CRYBG1: variants seen among roughly 807,000 people sequenced by gnomAD.
CRYBG1 encodes the protein crystallin beta-gamma domain containing 1.
CRYBG1 carries 139 observed loss-of-function variants against 189.2 expected under a neutral mutation model. The ratio of observed to expected loss-of-function variants is 0.73; its 90% CI spans 0.64 to 0.85. CRYBG1 has a LOEUF of 0.85. CRYBG1 is among the 40% of genes least tolerant of loss of function. The probability of loss-of-function intolerance (pLI) is 0.00; values close to 1 mark genes in which losing one functional copy is unlikely to be tolerated. For missense variants in CRYBG1, 2,611 were observed against 2,675.8 expected, an observed-to-expected ratio of 0.98 and a Z score of 0.53; for synonymous variants, 1,023 against 1,017.1, an observed-to-expected ratio of 1.01 and a Z score of -0.11.
chr6:106,482,784 T>A (rs999724977), intron 2 of CRYBG1, among the ~76,000 whole-genome samples: 19 of 151,288 alleles, frequency 1.3e-4, no homozygotes, highest in African/African-American at 4.6e-4. Flanking sequence ...CAAAAAATAA[T>A]AATCATAAAA....
chr6:106,553,296 T>A (rs555169376), intron 15 of CRYBG1, among the ~76,000 whole-genome samples, 159 bp from the exon 16 acceptor site: 1 of 152,320 alleles, frequency 6.6e-6, no homozygotes, highest in East Asian at 1.9e-4. Flanking sequence ...TTCTAATTGA[T>A]CATGAATGTA....
intron 2 of CRYBG1, among the ~76,000 whole-genome samples, chr6:106,472,311 G>A (rs1461125782): frequency 6.6e-6 from 1 of 152,166 alleles, no homozygotes; most frequent in Non-Finnish European, 1.5e-5. Context: ...AGAATTGGAT[G>A]TCTATAGATA....
chr6:106,449,250 G>A (rs756670275), intron 1 of CRYBG1: 2 of 152,200 alleles, frequency 1.3e-5, no homozygotes, highest in Non-Finnish European at 2.9e-5. Flanking sequence ...AGCACAGGTA[G>A]ATTGCTTTTA....
At chr6:106,484,498 T>C (rs1396919383) in intron 2 of CRYBG1, among the ~76,000 whole-genome samples, 2 of 152,126 alleles carry the variant, frequency 1.3e-5, no homozygotes, top group Non-Finnish European at 2.9e-5. Flanking sequence ...TTTTTTCTTT[T>C]TTGTAGAGAC....
At chr6:106,548,951 T>A (rs6930489) in intron 13 of CRYBG1, among the ~76,000 whole-genome samples, 2,560 of 140,048 alleles carry the variant, frequency 0.018, 63 homozygotes, top group African/African-American at 0.064. Context: ...TGTCCATGTG[T>A]TCTCATTGTT....
rs751340239 is a variant in CRYBG1, at chr6:106,440,265, TCTC to T, written c.174-11428_174-11426del. Among the ~76,000 whole-genome samples the T allele has an allele frequency of 6.5e-3, 710 of 108,720 alleles. 5 individuals are homozygous for T. Among genetic ancestry groups the T allele is most frequent in the African/African-American group, 0.022 (669 of 30,428 alleles). The allele number at this position is 108,720 out of a possible 152,430, so 71.3% of individuals were successfully genotyped here. ...CTTCCTCTCTCTCTCTCTCTCTCTC[TCTC>T]TTTTTTTTTCTTTTGAGACAGAGTC... On this transcript the variant is annotated intron_variant, in intron 1 of 21. Transcript: ENST00000633556.
intron 1 of CRYBG1, among the ~76,000 whole-genome samples, chr6:106,382,266 G>A (rs1425064570): frequency 1.7e-4 from 26 of 152,142 alleles, no homozygotes; most frequent in Non-Finnish European, 1.8e-4. Context: ...GTATCCATGA[G>A]GACTTTGTTG....
intron 2 of CRYBG1, among the ~76,000 whole-genome samples, chr6:106,465,557 G>T (rs1772099064): frequency 6.6e-6 from 1 of 152,162 alleles, no homozygotes; most frequent in African/African-American, 2.4e-5. Context: ...ATCTCTATCT[G>T]TTTTGACAGA....
chr6:106,476,695 A>G (rs1301846953), intron 2 of CRYBG1, among the ~76,000 whole-genome samples: 1 of 152,224 alleles, frequency 6.6e-6, no homozygotes, highest in Non-Finnish European at 1.5e-5. Context: ...TAGCTTATAG[A>G]TATAATTCAA....
At chr6:106,405,406 C>A (rs1466713182) in intron 1 of CRYBG1, among the ~76,000 whole-genome samples, 1 of 152,216 alleles carries the variant, frequency 6.6e-6, no homozygotes, top group Non-Finnish European at 1.5e-5. Flanking sequence ...AGATAAAACT[C>A]CCATCTCCCT....
At chr6:106,504,079 A>C (rs906880619) in intron 2 of CRYBG1, among the ~76,000 whole-genome samples, 3 of 150,694 alleles carry the variant, frequency 2.0e-5, no homozygotes, top group Non-Finnish European at 4.4e-5. Context: ...GTAGAGAGGT[A>C]TGTGTTACAT....
chr6:106,435,014 C>T (rs141776018), intron 1 of CRYBG1, among the ~76,000 whole-genome samples: 290 of 152,244 alleles, frequency 1.9e-3, no homozygotes, highest in African/African-American at 6.5e-3. Flanking sequence ...ATGGAATCAG[C>T]GTGCCCCTTC....
At chr6:106,510,704 G>C (rs915593612) in intron 2 of CRYBG1, among the ~76,000 whole-genome samples, 3 of 152,144 alleles carry the variant, frequency 2.0e-5, no homozygotes, top group African/African-American at 7.2e-5. Flanking sequence ...AACCTCGCCC[G>C]CTACCCCCAC....
intron 1 of CRYBG1, among the ~76,000 whole-genome samples, chr6:106,424,961 G>A (rs12213356): frequency 3.9e-5 from 6 of 152,018 alleles, no homozygotes; most frequent in African/African-American, 9.7e-5. Flanking sequence ...GAAAAATCCC[G>A]CAGACTCTCT....
At chr6:106,522,079 G>A (rs1186049963) in intron 4 of CRYBG1, among the ~76,000 whole-genome samples, 1 of 152,138 alleles carries the variant, frequency 6.6e-6, no homozygotes, top group Non-Finnish European at 1.5e-5. Context: ...GTTGTATTAT[G>A]AAAGGTATAG....
At chr6:106,531,538 TAA>T (rs758044509) in intron 8 of CRYBG1, among the ~76,000 whole-genome samples, 2 of 152,150 alleles carry the variant, frequency 1.3e-5, no homozygotes, top group Non-Finnish European at 2.9e-5. Flanking sequence ...CCTTGTTAGG[TAA>T]AGAGTTTCTC....
chr6:106,468,890 AT>A (rs1772166311), intron 2 of CRYBG1, among the ~76,000 whole-genome samples: 1 of 152,150 alleles, frequency 6.6e-6, no homozygotes, highest in Non-Finnish European at 1.5e-5. Context: ...CTTCTTTTGT[AT>A]TCTTACTCCC....
intron 1 of CRYBG1, among the ~76,000 whole-genome samples, chr6:106,402,337 C>A (rs1770737049): frequency 1.7e-5 from 1 of 59,036 alleles, no homozygotes; most frequent in Non-Finnish European, 3.2e-5. Context: ...CCCGCATCAC[C>A]AAGTCAATCC....
chr6:106,417,104 C>T (rs1319433283), intron 1 of CRYBG1, among the ~76,000 whole-genome samples: 1 of 149,636 alleles, frequency 6.7e-6, no homozygotes. Flanking sequence ...CTCCCAGGCT[C>T]AATCCTCCTG....
Sources: allele counts gnomAD v4.1 joint callset (sites outside exome capture counted in the v4.1 genomes callset), GRCh38; gene constraint gnomAD v4.1.1; transcripts MANE v1.5; gene names NCBI Gene and HGNC (gene_info 2026-07-23, HGNC 2026-07-21).